Variants in EVC2 observed in about 807,000 individuals in gnomAD.
The protein encoded by EVC2 is EvC ciliary complex subunit 2.
In EVC2, 148 loss-of-function variants were observed where a neutral mutation model predicts 149.3. The observed-to-expected ratio is 0.99, with a 90% CI of 0.87 to 1.14. The LOEUF is 1.14. Ranked by LOEUF, EVC2 falls within the 50% of genes most tolerant of loss-of-function variation. The probability of loss-of-function intolerance (pLI) is 0.00; values close to 1 mark genes in which losing one functional copy is unlikely to be tolerated. For synonymous variants in EVC2, 776 were observed against 649.9 expected (o/e 1.19, Z -2.95); for missense variants, 1,854 against 1,627.3 (o/e 1.14, Z -2.40).
At position 5,625,684 on chromosome 4, in the gene EVC2, C is replaced by T; in HGVS notation, c.2046+65G>A. On this transcript the variant is annotated intron_variant, in intron 13 of 21. Transcript: ENST00000344408. This position sits in a 1 kb window ranked among gnomAD's most constrained non-coding sequence, Gnocchi z 4.0. ...ACCAATGGCAATGTCTGGCACAGTACCTGGCACTTGATGGGTATCAGAAAG... is the reference window on the plus strand; with the variant it reads ...ACCAATGGCAATGTCTGGCACAGTATCTGGCACTTGATGGGTATCAGAAAG... 1 of 1,601,528 alleles carries T rather than the reference C, an allele frequency of 6.2e-7. No homozygotes were observed. Among genetic ancestry groups the T allele is most frequent in the Non-Finnish European group, 8.5e-7 (1 of 1,170,790 alleles).
At position 5,569,719 on chromosome 4, in the gene EVC2, G is replaced by C. The variant is rs1289657538; in HGVS notation, c.3361-1079C>G. Reference sequence around the variant, plus strand: ...GAACGTGTTCAGAAGGGTGGGCTGGGGGTTCAGAGACCACAGAGAGGTCAG... The same window carrying C: ...GAACGTGTTCAGAAGGGTGGGCTGGCGGTTCAGAGACCACAGAGAGGTCAG... On this transcript the variant is annotated intron_variant, in intron 19 of 21. Coordinates refer to ENST00000344408, the MANE Select transcript of EVC2 (RefSeq NM_147127.5). This position sits in a 1 kb window ranked among gnomAD's most constrained non-coding sequence, Gnocchi z 4.8. Among the ~76,000 whole-genome samples, 1 of 152,010 alleles carries C rather than the reference G, an allele frequency of 6.6e-6. No individual in the cohort carries two copies. Among genetic ancestry groups the C allele is most frequent in the African/African-American group, 2.4e-5 (1 of 41,378 alleles).
At chr4:5,662,302 A>C (rs1718930847) in intron 9 of EVC2, among the ~76,000 whole-genome samples, 1 of 151,896 alleles carries the variant, frequency 6.6e-6, no homozygotes, top group Non-Finnish European at 1.5e-5. Flanking sequence ...ACTAGACTTA[A>C]TACCTGGATG....
At chr4:5,579,659 T>C (rs1288938743) in intron 17 of EVC2, among the ~76,000 whole-genome samples, 1 of 152,086 alleles carries the variant, frequency 6.6e-6, no homozygotes, top group South Asian at 2.1e-4. Context: ...CTGGCCAACA[T>C]GGTGAAGCCT....
rs76081066 is a variant in EVC2, at chr4:5,584,462, G to A, written c.3057+161C>T. On this transcript the variant is annotated intron_variant, in intron 17 of 21. Coordinates refer to ENST00000344408, the MANE Select transcript of EVC2 (RefSeq NM_147127.5). ...AATAGAGCCATCTTTGGTTGAGAGA[G>A]TGCCAAGTACTCTCCAATATGTCAC... is the stretch of plus-strand genomic sequence containing the variant. 0.013 allele frequency among the ~76,000 whole-genome samples: 1,944 copies of A among 152,280 alleles called. 36 individuals are homozygous for A. Among genetic ancestry groups the A allele is most frequent in the African/African-American group, 0.045 (1,851 of 41,546 alleles).
intron 16 of EVC2, among the ~76,000 whole-genome samples, chr4:5,597,728 CAGG>C (rs1713574069): frequency 7.1e-6 from 1 of 141,220 alleles, no homozygotes; most frequent in South Asian, 2.5e-4. Context: ...GGCAATTAGG[CAGG>C]AGAAGGAAAT....
chr4:5,676,142 T>C (rs1011663310), intron 7 of EVC2, among the ~76,000 whole-genome samples: 9 of 152,168 alleles, frequency 5.9e-5, no homozygotes, highest in African/African-American at 2.2e-4. Context: ...GGATATCTAG[T>C]GCCATCTGAG....
chr4:5,593,467 G>A (rs758785873), intron 16 of EVC2, among the ~76,000 whole-genome samples: 8 of 152,120 alleles, frequency 5.3e-5, no homozygotes, highest in African/African-American at 1.4e-4. Context: ...CCACAGATTC[G>A]TACAGATTTG....
intron 9 of EVC2, among the ~76,000 whole-genome samples, chr4:5,646,209 G>A (rs1341269920): frequency 6.6e-6 from 1 of 152,160 alleles, no homozygotes. Flanking sequence ...GGGATTACAG[G>A]CATAAGCCAC....
Position 5,622,946 on chromosome 4 carries a change from G to A in EVC2, c.2092C>T (p.Arg698Ter), listed in dbSNP as rs781623802. Residue 698 changes from arginine to a stop codon, truncating the protein, a stop_gained, in exon 14 of 22, where the codon CGA (arginine) becomes TGA (stop). Transcript: ENST00000344408. LOFTEE classifies it high-confidence loss of function. The surrounding 1 kb of genome is among the most constrained non-coding windows in gnomAD (Gnocchi z 5.8). ...REQASVGEAF[R>*]TVEDAGQYLH... is the part of the protein sequence containing the mutation. ...TACTGGCCGGCATCCTCAACCGTTCGGAAGGCCTCGCCGACGGACGCCTGC... is the reference window on the plus strand; with the variant it reads ...TACTGGCCGGCATCCTCAACCGTTCAGAAGGCCTCGCCGACGGACGCCTGC... 1.4e-5 allele frequency: 23 copies of A among 1,613,952 alleles called. No homozygotes were observed. Among genetic ancestry groups the A allele is most frequent in the African/African-American group, 5.3e-5 (4 of 74,892 alleles).
intron 16 of EVC2, among the ~76,000 whole-genome samples, chr4:5,595,844 C>A (rs1208001389): frequency 6.6e-6 from 1 of 152,144 alleles, no homozygotes; most frequent in Non-Finnish European, 1.5e-5. Flanking sequence ...CAGAGACACA[C>A]ATAGGCTCAA....
At chr4:5,537,411 C>T in the EVC2 span, among the ~76,000 whole-genome samples, 15 of 151,998 alleles carry the variant, frequency 9.9e-5, no homozygotes, top group South Asian at 1.0e-3. Context: ...TCACACCAGC[C>T]GGGAAATAGT....
intron 16 of EVC2, among the ~76,000 whole-genome samples, chr4:5,598,148 G>A (rs2108806514): frequency 6.6e-6 from 1 of 151,782 alleles, no homozygotes; most frequent in Non-Finnish European, 1.5e-5. Flanking sequence ...ACTGCCCAAG[G>A]TAATTTATAG....
chr4:5,611,164 G>A (rs1714789839), intron 16 of EVC2, among the ~76,000 whole-genome samples: 1 of 152,182 alleles, frequency 6.6e-6, no homozygotes, highest in Non-Finnish European at 1.5e-5. Flanking sequence ...ATGGGACCAG[G>A]ATGCCAGTGT....
chr4:5,662,974 T>G, intron 9 of EVC2, 133 bp downstream of exon 9: 2 of 1,199,668 alleles, frequency 1.7e-6, no homozygotes, highest in Non-Finnish European at 1.2e-6. Context: ...TGCATAGCAG[T>G]TGTTGAATTA....
intron 21 of EVC2, among the ~76,000 whole-genome samples, chr4:5,555,572 T>C (rs1721823718): frequency 6.6e-6 from 1 of 152,160 alleles, no homozygotes. Context: ...AGGGAATACA[T>C]ATGGTAAAGG....
rs374425966 is a variant in EVC2 at position 5,565,290 on chromosome 4, T to C, written c.3627A>G (p.Glu1209=). 9 of 1,613,990 alleles carry C rather than the reference T, an allele frequency of 5.6e-6. No homozygotes were observed. Among genetic ancestry groups the C allele is most frequent in the Non-Finnish European group, 6.8e-6 (8 of 1,180,024 alleles). The part of the protein sequence containing the change: ...LRGDLISRGL[E]KMLWARKRKQ... ...TTCTCTTGCGGGCCCACAGCATCTT[T>C]TCTAATCCTCTGCTTATCAGATCTC... The change falls in exon 21 of 22, where the codon GAA becomes GAG. Residue 1209 remains glutamate (E), a synonymous_variant. Transcript: ENST00000344408.
chr4:5,668,021 T>G (rs929354737), intron 7 of EVC2, among the ~76,000 whole-genome samples: 14 of 152,206 alleles, frequency 9.2e-5, no homozygotes, highest in African/African-American at 3.4e-4. Flanking sequence ...ATATGCTAAC[T>G]CTTCTCTGCA....
intron 16 of EVC2, among the ~76,000 whole-genome samples, chr4:5,595,350 T>C (rs2108802493): frequency 6.6e-6 from 1 of 152,308 alleles, no homozygotes; most frequent in Admixed American, 6.5e-5. Flanking sequence ...GGGAAGCCCA[T>C]CAGACTAACA....
rs554056327 is a variant in EVC2, at chr4:5,585,682, T to C, written c.2830-832A>G. Among the ~76,000 whole-genome samples, 4 of 152,312 alleles carry C rather than the reference T, an allele frequency of 2.6e-5. No homozygotes were observed. In the South Asian group the frequency reaches 8.3e-4, roughly 32 times the overall value. Reference sequence around the variant, plus strand: ...AAACTTTGACATGTTTCTACCCCTATGAAACCATCGCCACAACCAGGGTAG... The same window carrying C: ...AAACTTTGACATGTTTCTACCCCTACGAAACCATCGCCACAACCAGGGTAG... On this transcript the variant is annotated intron_variant, in intron 16 of 21. Coordinates refer to ENST00000344408, the MANE Select transcript of EVC2 (RefSeq NM_147127.5).
Sources: gnomAD v4.1 joint callset for allele counts (sites outside exome capture counted in the v4.1 genomes callset) on GRCh38, gnomAD v4.1.1 for gene constraint, Gnocchi (gnomAD v3.1) non-coding constraint, MANE v1.5 for transcripts, NCBI Gene and HGNC (gene_info 2026-07-23, HGNC 2026-07-21) for gene names.